Variants in FLOT2 observed in about 807,000 individuals in gnomAD.
The protein encoded by FLOT2 is flotillin-2.
Under a neutral mutation model 54.9 loss-of-function variants are expected in FLOT2, and 35 were observed. That is an observed-to-expected ratio of 0.64 (90% CI 0.49 to 0.84). FLOT2 has a LOEUF of 0.84. FLOT2 is among the 40% of genes least tolerant of loss of function. The pLI is 0.00. For synonymous variants in FLOT2, 207 were observed against 228.9 expected (o/e 0.90, Z 0.86); for missense variants, 464 against 572.1 (o/e 0.81, Z 1.93).
At chr17:28,881,073 T>C (rs2039438587) in intron 9 of FLOT2, 119 bp downstream of exon 9, 5 of 1,079,814 alleles carry the variant, frequency 4.6e-6, no homozygotes, top group African/African-American at 1.6e-5. Context: ...GCTCCTCATT[T>C]AACCCTTCTA....
intron 1 of FLOT2, among the ~76,000 whole-genome samples, chr17:28,891,594 T>C (rs935178496): frequency 2.0e-5 from 3 of 152,232 alleles, no homozygotes; most frequent in African/African-American, 4.8e-5. Context: ...CTTCTGTGTT[T>C]ATGCTGTGCA....
chr17:28,884,237 C>T lies in FLOT2; in HGVS notation c.210G>A (p.Thr70=), dbSNP rs779898935. 2.5e-6 allele frequency: 4 copies of T among 1,612,368 alleles called. No individual in the cohort carries two copies. Among genetic ancestry groups the T allele is most frequent in the African/African-American group, 1.3e-5 (1 of 74,898 alleles). The change falls in exon 3 of 11, where the codon ACG becomes ACA. Residue 70 remains threonine, a synonymous_variant. Coordinates refer to ENST00000394908, the MANE Select transcript of FLOT2 (RefSeq NM_004475.3). The surrounding 1 kb of genome is among the most constrained non-coding windows in gnomAD (Gnocchi z 5.1). ...ETAEGVALTV[T]GVAQVKIMTE... ...TGAGTTACTATACCTGGGCGACACCCGTCACAGTTAAAGCTACCCCCTCGG... is the reference window on the plus strand; with the variant it reads ...TGAGTTACTATACCTGGGCGACACCTGTCACAGTTAAAGCTACCCCCTCGG...
rs2039767691 is a variant in FLOT2 at position 28,897,669 on chromosome 17, C to A, written c.-95G>T. On this transcript the variant is annotated 5_prime_UTR_variant, in exon 1 of 11. Transcript: ENST00000394908. This position sits in a 1 kb window ranked among gnomAD's most constrained non-coding sequence, Gnocchi z 4.4. ...GCCGCGCCCAGCCTATCCCGCCACC[C>A]CCAGCGGCCGGCCGCCCGCTCGCTC... 6 of 1,150,572 alleles carry A rather than the reference C, an allele frequency of 5.2e-6. No individual in the cohort carries two copies. Among genetic ancestry groups the A allele is most frequent in the Non-Finnish European group, 6.7e-6 (6 of 897,488 alleles). 71.3% of individuals were successfully genotyped at this position (1,150,572 alleles called of 1,614,324 possible).
intron 1 of FLOT2, among the ~76,000 whole-genome samples, chr17:28,891,360 G>T (rs887321529): frequency 1.3e-5 from 2 of 152,206 alleles, no homozygotes; most frequent in Admixed American, 6.5e-5. Context: ...AGATCACACA[G>T]TGTCTTGTGT....
Position 28,880,814 on chromosome 17 carries a change from C to G in FLOT2, c.1147G>C (p.Val383Leu). Reference sequence around the variant, plus strand: ...ACCTTACTGTTGTCTCCACTGAGGACCACAATCTCATCGACCTTGGTAAGT... The same window carrying G: ...ACCTTACTGTTGTCTCCACTGAGGAGCACAATCTCATCGACCTTGGTAAGT... Reference protein sequence around the residue: ...APLTKVDEIVVLSGDNSKVTS... With the variant: ...APLTKVDEIVLLSGDNSKVTS... The change falls in exon 10 of 11, where the codon GTC becomes CTC. Residue 383 changes from valine to leucine, a missense_variant. Transcript: ENST00000394908. The G allele has an allele frequency of 6.2e-7, 1 of 1,614,168 alleles. No homozygotes were observed. Among genetic ancestry groups the G allele is most frequent in the Non-Finnish European group, 8.5e-7 (1 of 1,180,026 alleles).
In FLOT2 at chr17:28,880,377, A is replaced by G; in HGVS notation, c.*184T>C. On this transcript the variant is annotated 3_prime_UTR_variant, in exon 11 of 11. Coordinates refer to ENST00000394908, the MANE Select transcript of FLOT2 (RefSeq NM_004475.3). ...AGTGAAAGTGGGGTAAAGGAGAGGA[A>G]GAGGAGGAGGTGGACAGACAGGAGA... The G allele has an allele frequency of 6.9e-7, 1 of 1,449,234 alleles. No individual in the cohort carries two copies. Among genetic ancestry groups the G allele is most frequent in the South Asian group, 1.5e-5 (1 of 67,234 alleles). 89.8% of individuals were successfully genotyped at this position (1,449,234 alleles called of 1,614,324 possible).
intron 1 of FLOT2, chr17:28,893,316 C>T (rs1433837798): frequency 6.6e-6 from 1 of 152,504 alleles, no homozygotes; most frequent in African/African-American, 2.4e-5. Flanking sequence ...CCCACGATAA[C>T]CTCTGTTCCA....
Position 28,884,187 on chromosome 17 carries a change from G to A in FLOT2, c.222+38C>T. 6.8e-7 allele frequency: 1 copy of A among 1,465,874 alleles called. No homozygotes were observed. Among genetic ancestry groups the A allele is most frequent in the South Asian group, 1.1e-5 (1 of 88,222 alleles). The allele number at this position is 1,465,874 out of a possible 1,614,324, so 90.8% of individuals were successfully genotyped here. ...CCGAACCCGAGTACGGGACCAGGCAGCTCAACGGACATGCGCAGGGCTGCT... is the reference window on the plus strand; with the variant it reads ...CCGAACCCGAGTACGGGACCAGGCAACTCAACGGACATGCGCAGGGCTGCT... On this transcript the variant is annotated intron_variant, in intron 3 of 10. Coordinates refer to ENST00000394908, the MANE Select transcript of FLOT2 (RefSeq NM_004475.3). The surrounding 1 kb of genome is among the most constrained non-coding windows in gnomAD (Gnocchi z 5.1).
At chr17:28,894,497 A>C (rs887443329) in intron 1 of FLOT2, among the ~76,000 whole-genome samples, 9 of 151,490 alleles carry the variant, frequency 5.9e-5, no homozygotes, top group Non-Finnish European at 1.3e-4. Context: ...TGTGGCGTGC[A>C]CCTGTAATCC....
chr17:28,894,643 TA>T (rs2039711549), intron 1 of FLOT2, among the ~76,000 whole-genome samples: 1 of 74,172 alleles, frequency 1.3e-5, no homozygotes, highest in Non-Finnish European at 3.1e-5. Flanking sequence ...TTTTTTTTTT[TA>T]AATACTGAGT....
At position 28,880,898 on chromosome 17, in the gene FLOT2, G is replaced by A. The variant is rs141565967; in HGVS notation, c.1099-36C>T. The A allele has an allele frequency of 5.3e-3, 8,465 of 1,611,638 alleles. 39 individuals carry two copies. The highest frequency in any genetic ancestry group is 0.016 in the Middle Eastern group (99 of 6,054). On this transcript the variant is annotated intron_variant, in intron 9 of 10. Transcript: ENST00000394908. ...AGAGTGGGAGGACAGCCTGGTTGGC[G>A]CTGACTCTGTTCTCAGCCCGGTCCA...
intron 2 of FLOT2, among the ~76,000 whole-genome samples, chr17:28,886,430 G>A (rs1235553979): frequency 6.6e-6 from 1 of 152,218 alleles, no homozygotes; most frequent in African/African-American, 2.4e-5. Flanking sequence ...GAATCCGCCA[G>A]GTCTGCACTA....
At chr17:28,881,440 G>C in intron 8 of FLOT2, 65 bp from the exon 9 acceptor site, 1 of 1,529,632 alleles carries the variant, frequency 6.5e-7, no homozygotes, top group Non-Finnish European at 8.9e-7. Context: ...CCTTGCCTGG[G>C]GGCCAGCAAA....
Position 28,897,689 on chromosome 17 carries a change from T to C in FLOT2, c.-115A>G, listed in dbSNP as rs532587003. ...CCACCCCCAGCGGCCGGCCGCCCGCTCGCTCGCCCGCGCCCCTCTGCGGTC... is the reference window on the plus strand; with the variant it reads ...CCACCCCCAGCGGCCGGCCGCCCGCCCGCTCGCCCGCGCCCCTCTGCGGTC... On this transcript the variant is annotated 5_prime_UTR_variant, in exon 1 of 11. Transcript: ENST00000394908. This position sits in a 1 kb window ranked among gnomAD's most constrained non-coding sequence, Gnocchi z 4.4. 2.2e-5 allele frequency: 21 copies of C among 956,286 alleles called. No individual in the cohort carries two copies. Among genetic ancestry groups the C allele is most frequent in the South Asian group, 8.3e-5 (2 of 24,110 alleles). The allele number at this position is 956,286 out of a possible 1,614,324, so 59.2% of individuals were successfully genotyped here.
intron 1 of FLOT2, among the ~76,000 whole-genome samples, chr17:28,896,962 A>G (rs2039751464): frequency 6.6e-6 from 1 of 152,180 alleles, no homozygotes; most frequent in Admixed American, 6.5e-5. Context: ...CACTGCCCAG[A>G]ACCGGGTTTC....
At position 28,897,613 on chromosome 17, in the gene FLOT2, C is replaced by T. The variant is rs2039766207; in HGVS notation, c.-39G>A. The T allele has an allele frequency of 1.8e-5, 27 of 1,522,412 alleles. No individual in the cohort carries two copies. Among genetic ancestry groups the T allele is most frequent in the Non-Finnish European group, 2.4e-5 (27 of 1,134,826 alleles). The allele number at this position is 1,522,412 out of a possible 1,614,324, so 94.3% of individuals were successfully genotyped here. The stretch of plus-strand genomic sequence containing the variant: ...CGGAGGGCCCTCGGGACCGCACAGA[C>T]CCGGACAACAGCAGCGGGTCTGCAG... On this transcript the variant is annotated 5_prime_UTR_variant, in exon 1 of 11. Coordinates refer to ENST00000394908, the MANE Select transcript of FLOT2 (RefSeq NM_004475.3). This position sits in a 1 kb window ranked among gnomAD's most constrained non-coding sequence, Gnocchi z 4.4.
At chr17:28,888,652 T>C (rs2039589109) in intron 2 of FLOT2, among the ~76,000 whole-genome samples, 1 of 152,208 alleles carries the variant, frequency 6.6e-6, no homozygotes, top group South Asian at 2.1e-4. Context: ...GCCTGGGTTA[T>C]GACCCTGAAT....
chr17:28,880,647 C>A (rs1379309185), intron 10 of FLOT2, 48 bp from the exon 11 acceptor site: 4 of 1,613,638 alleles, frequency 2.5e-6, no homozygotes, highest in Non-Finnish European at 3.4e-6. Context: ...GAGCCCAGGA[C>A]CACTTTGCCT....
At position 28,897,699 on chromosome 17, in the gene FLOT2, G is replaced by T; in HGVS notation, c.-125C>A. On this transcript the variant is annotated 5_prime_UTR_variant, in exon 1 of 11. Transcript: ENST00000394908. The surrounding 1 kb of genome is among the most constrained non-coding windows in gnomAD (Gnocchi z 4.4). Reference sequence around the variant, plus strand: ...CGGCCGGCCGCCCGCTCGCTCGCCCGCGCCCCTCTGCGGTCGCAGCCCCGC... The same window carrying T: ...CGGCCGGCCGCCCGCTCGCTCGCCCTCGCCCCTCTGCGGTCGCAGCCCCGC... The T allele has an allele frequency of 1.2e-6, 1 of 826,514 alleles. No individual in the cohort carries two copies. Among genetic ancestry groups the T allele is most frequent in the Non-Finnish European group, 1.6e-6 (1 of 612,732 alleles). The allele number at this position is 826,514 out of a possible 1,614,324, so 51.2% of individuals were successfully genotyped here. A position where few individuals can be genotyped will look rare whatever the true frequency, so the allele number is the denominator to read the frequency against.
Sources: allele counts gnomAD v4.1 joint callset (sites outside exome capture counted in the v4.1 genomes callset), GRCh38; gene constraint gnomAD v4.1.1; non-coding constraint Gnocchi (gnomAD v3.1); transcripts MANE v1.5; gene names NCBI Gene and HGNC (gene_info 2026-07-23, HGNC 2026-07-21).